MGST2: variants seen among roughly 807,000 people sequenced by gnomAD.
The protein encoded by MGST2 is microsomal glutathione S-transferase 2, also known as glutathione peroxidase MGST2.
A neutral mutation model predicts 16.6 loss-of-function variants in MGST2; 9 were observed. The observed-to-expected ratio is 0.54, with a 90% CI of 0.33 to 0.95. MGST2 has a LOEUF of 0.95. Among genes scored for constraint, MGST2 ranks in the 40% least tolerant of loss-of-function variants. MGST2 has a pLI of 0.03. For synonymous variants in MGST2, 79 were observed against 68.0 expected, an observed-to-expected ratio of 1.16 and a Z score of -0.79; for missense variants, 159 against 175.1, an observed-to-expected ratio of 0.91 and a Z score of 0.52.
downstream of MGST2, among the ~76,000 whole-genome samples, chr4:139,709,010 A>AAAAG (rs1727632943): frequency 7.3e-6 from 1 of 137,766 alleles, no homozygotes; most frequent in Non-Finnish European, 1.5e-5. Flanking sequence ...AAAAAAAAAA[A>AAAAG]AAAAAGAAAA....
chr4:139,671,321 T>A (rs919004303), intron 1 of MGST2, among the ~76,000 whole-genome samples: 2 of 152,088 alleles, frequency 1.3e-5, no homozygotes, highest in Non-Finnish European at 2.9e-5. Flanking sequence ...TGTGTATCTC[T>A]GGAGAAAGCT....
In MGST2 at chr4:139,665,819, A is replaced by T. The variant is rs898581916; in HGVS notation, c.-201A>T. ...AACGCCGGAAGCAACTCCCAGCCCC[A>T]TAAAGATCTGTGACCGGCAGCCCCA... On this transcript the variant is annotated 5_prime_UTR_variant, in exon 1 of 5. Coordinates refer to ENST00000265498, the MANE Select transcript of MGST2 (RefSeq NM_002413.5). 14 of 652,720 alleles carry T rather than the reference A, an allele frequency of 2.1e-5. No individual in the cohort carries two copies. The highest frequency in any genetic ancestry group is 5.3e-5 in the African/African-American group (3 of 56,076). The allele number at this position is 652,720 out of a possible 1,614,324, so 40.4% of individuals were successfully genotyped here.
Position 139,666,133 on chromosome 4 carries a change from T to C in MGST2, c.58+56T>C. ...GCGTGTGTGCGTGTGTGTGTGTGTG[T>C]GACAAGGCTTGCGGGAGAGAGAGGG... On this transcript the variant is annotated intron_variant, in intron 1 of 4. Coordinates refer to ENST00000265498, the MANE Select transcript of MGST2 (RefSeq NM_002413.5). The C allele has an allele frequency of 5.2e-6, 8 of 1,542,188 alleles. 1 individual carries two copies. The highest frequency in any genetic ancestry group is 5.4e-6 in the Non-Finnish European group (6 of 1,116,216).
chr4:139,701,670 T>C (rs999356704), intron 3 of MGST2, among the ~76,000 whole-genome samples: 6 of 152,090 alleles, frequency 3.9e-5, no homozygotes, highest in Non-Finnish European at 7.4e-5. Context: ...ACCTGGTTTA[T>C]GGTAGATACG....
chr4:139,714,044 T>C (rs1727840617), intron 5 of MGST2, among the ~76,000 whole-genome samples: 1 of 152,184 alleles, frequency 6.6e-6, no homozygotes, highest in Non-Finnish European at 1.5e-5. Context: ...CACGGGAAGG[T>C]ACCACCACAT....
Position 139,678,518 on chromosome 4 carries a change from AC to A in MGST2, c.59-24del, listed in dbSNP as rs781370588. The A allele has an allele frequency of 2.0e-5, 32 of 1,583,218 alleles. No homozygotes were observed. In the East Asian group the frequency reaches 7.2e-4, roughly 35 times the overall value. ...TGACTAATGACGTGCCCCATCTTTA[AC>A]GCAACATTTCCCTTTACTTGCAGGT... On this transcript the variant is annotated intron_variant, in intron 1 of 4. Coordinates refer to ENST00000265498, the MANE Select transcript of MGST2 (RefSeq NM_002413.5).
chr4:139,728,202 G>A (rs1283352658), intron 5 of MGST2, among the ~76,000 whole-genome samples: 1 of 152,118 alleles, frequency 6.6e-6, no homozygotes, highest in Non-Finnish European at 1.5e-5. Flanking sequence ...GTGACAAAGT[G>A]AGACCCTGTC....
At chr4:139,697,279 C>T (rs914883540) in intron 3 of MGST2, among the ~76,000 whole-genome samples, 4 of 152,144 alleles carry the variant, frequency 2.6e-5, no homozygotes, top group Admixed American at 1.3e-4. Flanking sequence ...TGCTTCTCTT[C>T]TTTACTAATA....
intron 1 of MGST2, among the ~76,000 whole-genome samples, chr4:139,670,836 T>C (rs1437034060): frequency 1.3e-5 from 2 of 150,242 alleles, no homozygotes; most frequent in African/African-American, 4.9e-5. Context: ...ATTGCTTGAG[T>C]CCATGGGTTG....
At chr4:139,725,218 G>C (rs1311569659) in intron 5 of MGST2, among the ~76,000 whole-genome samples, 2 of 152,136 alleles carry the variant, frequency 1.3e-5, no homozygotes, top group African/African-American at 4.8e-5. Context: ...CAGCCTCAAG[G>C]CCCTATTTGT....
intron 1 of MGST2, among the ~76,000 whole-genome samples, chr4:139,675,799 TATGTC>T (rs1420848567): frequency 6.6e-6 from 1 of 152,240 alleles, no homozygotes; most frequent in Non-Finnish European, 1.5e-5. Flanking sequence ...ATTAGCCACA[TATGTC>T]ATGATAAATG....
chr4:139,685,099 G>T (rs1039141638), intron 2 of MGST2: 1 of 152,300 alleles, frequency 6.6e-6, no homozygotes, highest in Non-Finnish European at 1.5e-5. Flanking sequence ...AGGCACATAG[G>T]TTTCAGCTTT....
At chr4:139,746,659 T>C in the MGST2 span, among the ~76,000 whole-genome samples, 1 of 152,294 alleles carries the variant, frequency 6.6e-6, no homozygotes, top group Non-Finnish European at 1.5e-5. Flanking sequence ...AGGAACAAGA[T>C]TCCGCAGACG....
At position 139,722,714 on chromosome 4, in the gene MGST2, C is replaced by G. The variant is rs528298156; in HGVS notation, c.*49-17498C>G. Among the ~76,000 whole-genome samples the G allele has an allele frequency of 2.0e-5, 3 of 152,286 alleles. No homozygotes were observed. The East Asian group carries it at 5.8e-4, about 29-fold the overall frequency. ...GATCCAGAACCTAATGAGGGAAAGACAGTCATTAAGACCTTTGAAATGTAT... is the reference window on the plus strand; with the variant it reads ...GATCCAGAACCTAATGAGGGAAAGAGAGTCATTAAGACCTTTGAAATGTAT... On this transcript the variant is annotated intron_variant, in intron 5 of 5. Coordinates refer to the MGST2 transcript ENST00000616265.
the MGST2 span, among the ~76,000 whole-genome samples, chr4:139,752,919 A>G: frequency 6.6e-6 from 1 of 152,160 alleles, no homozygotes; most frequent in Non-Finnish European, 1.5e-5. Context: ...GGGAAAGAAA[A>G]TAGGATGGCG....
chr4:139,726,411 T>G (rs1300162429), intron 5 of MGST2, among the ~76,000 whole-genome samples: 1 of 152,198 alleles, frequency 6.6e-6, no homozygotes, highest in East Asian at 1.9e-4. Flanking sequence ...TGTACATGCC[T>G]TTGGTGAACA....
rs964556807 is a variant in MGST2, at chr4:139,715,747, C to T, written c.*48+11551C>T. ...ACTGGTGGGAGTGTGGCAGTGAGGA[C>T]GACCAGAGGTCACCCTCGTCGCTAT... On this transcript the variant is annotated intron_variant, in intron 5 of 5. Transcript: ENST00000616265. The surrounding 1 kb of genome is among the most constrained non-coding windows in gnomAD (Gnocchi z 4.4). Among the ~76,000 whole-genome samples the T allele has an allele frequency of 6.6e-6, 1 of 152,100 alleles. No individual in the cohort carries two copies. The highest frequency in any genetic ancestry group is 6.5e-5 in the Admixed American group (1 of 15,274).
intron 2 of MGST2, among the ~76,000 whole-genome samples, chr4:139,681,128 T>C (rs1387499374): frequency 6.6e-6 from 1 of 152,174 alleles, no homozygotes; most frequent in Non-Finnish European, 1.5e-5. Context: ...GCAATCCTCC[T>C]ACCTCTGCCT....
At chr4:139,682,358 G>A (rs910718645) in intron 2 of MGST2, among the ~76,000 whole-genome samples, 1 of 152,124 alleles carries the variant, frequency 6.6e-6, no homozygotes, top group Non-Finnish European at 1.5e-5. Flanking sequence ...TGTAGGTCCC[G>A]CTGAGAAGGT....
Sources: allele counts gnomAD v4.1 joint callset (sites outside exome capture counted in the v4.1 genomes callset), GRCh38; gene constraint gnomAD v4.1.1; non-coding constraint Gnocchi (gnomAD v3.1); transcripts MANE v1.5; gene names NCBI Gene and HGNC (gene_info 2026-07-23, HGNC 2026-07-21).